RBMS3: variants seen among roughly 807,000 people sequenced by gnomAD.
RBMS3 encodes the protein RNA binding motif single stranded interacting protein 3.
Under a neutral mutation model 66.8 loss-of-function variants are expected in RBMS3, and 27 were observed. That is an observed-to-expected ratio of 0.40 (90% confidence interval 0.30 to 0.56). RBMS3 has a LOEUF of 0.56. RBMS3 is among the 20% of genes least tolerant of loss of function. RBMS3 has a pLI of 0.40. For synonymous variants in RBMS3, 188 were observed against 183.0 expected, an observed-to-expected ratio of 1.03 and a Z score of -0.22; for missense variants, 513 against 549.5, an observed-to-expected ratio of 0.93 and a Z score of 0.66.
At chr3:29,471,060 G>C (rs1207553702) in intron 2 of RBMS3, among the ~76,000 whole-genome samples, 1 of 152,090 alleles carries the variant, frequency 6.6e-6, no homozygotes, top group African/African-American at 2.4e-5. Flanking sequence ...GGACAGGTAT[G>C]GAAAGTGTTA....
At chr3:29,359,683 T>C (rs1429577384) in intron 1 of RBMS3, among the ~76,000 whole-genome samples, 1 of 152,178 alleles carries the variant, frequency 6.6e-6, no homozygotes, top group African/African-American at 2.4e-5. Context: ...TCCTGGACTT[T>C]TTTTGCTTGG....
chr3:29,343,362 A>G (rs2036391380), intron 1 of RBMS3, among the ~76,000 whole-genome samples: 1 of 152,114 alleles, frequency 6.6e-6, no homozygotes, highest in African/African-American at 2.4e-5. Context: ...ATGTTGAGAA[A>G]TCTACATTAA....
At chr3:29,296,626 T>A (rs945518395) in intron 1 of RBMS3, among the ~76,000 whole-genome samples, 1 of 151,800 alleles carries the variant, frequency 6.6e-6, no homozygotes, top group African/African-American at 2.4e-5. Context: ...CTATTTAATA[T>A]GTGATGCTGG....
chr3:29,799,688 A>G (rs1262460740), intron 6 of RBMS3, among the ~76,000 whole-genome samples: 8 of 152,196 alleles, frequency 5.3e-5, no homozygotes, highest in African/African-American at 1.7e-4. Flanking sequence ...CATTTAAAGT[A>G]TACACTTCAT....
At chr3:29,733,211 GT>G (rs1469243965) in intron 4 of RBMS3, among the ~76,000 whole-genome samples, 1 of 151,874 alleles carries the variant, frequency 6.6e-6, no homozygotes, top group Non-Finnish European at 1.5e-5. Flanking sequence ...ATTTCTAAAT[GT>G]TTTGTCACCA....
chr3:29,409,728 G>A (rs974161241), intron 1 of RBMS3, among the ~76,000 whole-genome samples: 2 of 152,174 alleles, frequency 1.3e-5, no homozygotes, highest in Admixed American at 6.5e-5. Flanking sequence ...AGAGTATACT[G>A]GACTGGGGTA....
intron 4 of RBMS3, among the ~76,000 whole-genome samples, chr3:29,601,275 C>T (rs1418422180): frequency 1.3e-5 from 2 of 151,760 alleles, no homozygotes; most frequent in Non-Finnish European, 2.9e-5. Flanking sequence ...TGCTAATAAC[C>T]ATCACAGAAA....
chr3:29,627,302 C>T (rs1460195036), intron 4 of RBMS3, among the ~76,000 whole-genome samples: 2 of 150,560 alleles, frequency 1.3e-5, no homozygotes, highest in Non-Finnish European at 3.0e-5. Context: ...CTCTCTCTGT[C>T]TCTCTCTCTC....
chr3:29,351,508 G>A lies in RBMS3; in HGVS notation c.75+69752G>A, dbSNP rs116490234. On this transcript the variant is annotated intron_variant, in intron 1 of 14. Transcript: ENST00000383767. ...TACTATATATCTACTTCATTACAAAGGAGGATAAAATATTTGTATGTTTCT... is the reference window on the plus strand; with the variant it reads ...TACTATATATCTACTTCATTACAAAAGAGGATAAAATATTTGTATGTTTCT... Among the ~76,000 whole-genome samples the A allele has an allele frequency of 2.2e-3, 336 of 152,002 alleles. 3 individuals are homozygous for A. The highest frequency in any genetic ancestry group is 7.7e-3 in the African/African-American group (319 of 41,494).
chr3:29,900,350 T>C (rs1411727411), intron 10 of RBMS3, among the ~76,000 whole-genome samples: 1 of 151,810 alleles, frequency 6.6e-6, no homozygotes, highest in Non-Finnish European at 1.5e-5. Context: ...GCAGTTTTCT[T>C]TTTCTATAGT....
intron 1 of RBMS3, among the ~76,000 whole-genome samples, chr3:29,399,341 T>C (rs1483776210): frequency 1.3e-5 from 2 of 152,184 alleles, no homozygotes; most frequent in Non-Finnish European, 2.9e-5. Context: ...ATTTCAAAAC[T>C]CCATTTCTTC....
At chr3:29,544,206 G>A (rs1441377153) in intron 3 of RBMS3, among the ~76,000 whole-genome samples, 1 of 152,056 alleles carries the variant, frequency 6.6e-6, no homozygotes, top group Non-Finnish European at 1.5e-5. Flanking sequence ...TACTAATTCA[G>A]TTTCACTTTT....
chr3:29,602,273 G>A (rs951404608), intron 4 of RBMS3, among the ~76,000 whole-genome samples: 2 of 151,986 alleles, frequency 1.3e-5, no homozygotes, highest in South Asian at 2.1e-4. Flanking sequence ...TTATATCTTA[G>A]ATGGAGGAAA....
intron 7 of RBMS3, among the ~76,000 whole-genome samples, chr3:29,877,085 G>A (rs1280136666): frequency 6.6e-6 from 1 of 152,198 alleles, no homozygotes; most frequent in East Asian, 1.9e-4. Context: ...ATGATAACTT[G>A]TAAGAAGGCA....
At chr3:29,803,707 G>C (rs1410368657) in intron 6 of RBMS3, among the ~76,000 whole-genome samples, 1 of 151,848 alleles carries the variant, frequency 6.6e-6, no homozygotes, top group East Asian at 1.9e-4. Flanking sequence ...AATGTGTGAT[G>C]AAATATATAG....
chr3:29,988,268 T>C, intron 13 of RBMS3, 45 bp downstream of exon 13: 1 of 1,500,066 alleles, frequency 6.7e-7, no homozygotes, highest in South Asian at 1.1e-5. Context: ...GAAATAAATC[T>C]CAGTCACATA....
chr3:29,523,512 G>A (rs1050406974), intron 3 of RBMS3, among the ~76,000 whole-genome samples: 2 of 152,028 alleles, frequency 1.3e-5, no homozygotes, highest in South Asian at 4.2e-4. Flanking sequence ...AATATCCAGG[G>A]TTATTTCCTG....
At chr3:29,762,215 G>A (rs2055719045) in intron 5 of RBMS3, among the ~76,000 whole-genome samples, 1 of 152,074 alleles carries the variant, frequency 6.6e-6, no homozygotes, top group African/African-American at 2.4e-5. Flanking sequence ...TCAATATTGA[G>A]AAAGCATAGA....
intron 12 of RBMS3, among the ~76,000 whole-genome samples, chr3:29,961,277 TGA>T (rs1696424459): frequency 6.6e-6 from 1 of 152,198 alleles, no homozygotes; most frequent in Admixed American, 6.5e-5. Flanking sequence ...TATCTCCGTC[TGA>T]GACCACCTCA....
Sources: allele counts gnomAD v4.1 joint callset (sites outside exome capture counted in the v4.1 genomes callset), GRCh38; gene constraint gnomAD v4.1.1; transcripts MANE v1.5; gene names NCBI Gene and HGNC (gene_info 2026-07-23, HGNC 2026-07-21).